Variants in CCDC91 observed in about 807,000 individuals in gnomAD.
The protein encoded by CCDC91 is coiled-coil domain-containing protein 91.
A neutral mutation model predicts 63.2 loss-of-function variants in CCDC91; 48 were observed. The observed-to-expected ratio is 0.76, with a 90% CI of 0.60 to 0.97. The LOEUF is 0.97. Ranked by LOEUF, CCDC91 falls within the 50% of genes least tolerant of loss-of-function variation. The pLI is 0.00. For missense variants in CCDC91, 500 were observed against 494.6 expected (o/e 1.01, Z -0.10); for synonymous variants, 167 against 165.8 (o/e 1.01, Z -0.06).
At chr12:28,374,976 C>T (rs1944853852) in intron 7 of CCDC91, among the ~76,000 whole-genome samples, 1 of 151,986 alleles carries the variant, frequency 6.6e-6, no homozygotes, top group Admixed American at 6.6e-5. Context: ...TCTTTGATTT[C>T]CTGAAGGAAT....
rs186811778 is a variant in CCDC91 at position 28,403,198 on chromosome 12, G to A, written c.762+11787G>A. Among the ~76,000 whole-genome samples the A allele has an allele frequency of 3.3e-5, 5 of 152,240 alleles. No individual in the cohort carries two copies. The East Asian group carries it at 9.7e-4, about 29-fold the overall frequency. On this transcript the variant is annotated intron_variant, in intron 8 of 12. Coordinates refer to ENST00000536442, the MANE Select transcript of CCDC91 (RefSeq NM_018318.5). The stretch of plus-strand genomic sequence containing the variant: ...GTATTCTCTCTGTTTCTATCTTCTG[G>A]AAGAGATTGTACAGTATTGTTATAA...
Position 28,257,090 on chromosome 12 carries a change from A to G in CCDC91, c.-14-112A>G, listed in dbSNP as rs915164946. 10 of 612,582 alleles carry G rather than the reference A, an allele frequency of 1.6e-5. No individual in the cohort carries two copies. In the African/African-American group the frequency reaches 1.9e-4, roughly 12 times the overall value. 37.9% of individuals were successfully genotyped at this position (612,582 alleles called of 1,614,324 possible). On this transcript the variant is annotated intron_variant, in intron 1 of 12. Transcript: ENST00000536442. ...TCTTTTTTGCATAAAAAATGCATAGACAGTTAGAAATTCTAATTTACAAAT... is the reference window on the plus strand; with the variant it reads ...TCTTTTTTGCATAAAAAATGCATAGGCAGTTAGAAATTCTAATTTACAAAT...
At chr12:28,254,718 G>GT (rs1288935984) in intron 1 of CCDC91, among the ~76,000 whole-genome samples, 1 of 143,770 alleles carries the variant, frequency 7.0e-6, no homozygotes, top group African/African-American at 2.6e-5. Flanking sequence ...GACATAATTT[G>GT]TTTTTTTAAA....
chr12:28,303,475 G>A (rs1938303874), intron 3 of CCDC91, among the ~76,000 whole-genome samples: 1 of 151,892 alleles, frequency 6.6e-6, no homozygotes, highest in East Asian at 1.9e-4. Context: ...AATGTTACAG[G>A]ATGAGAATTT....
intron 12 of CCDC91, among the ~76,000 whole-genome samples, chr12:28,501,278 T>C (rs1411581852): frequency 6.6e-6 from 1 of 151,914 alleles, no homozygotes. Flanking sequence ...CATCCATGTC[T>C]TGTGCCAGTT....
chr12:28,208,553 C>A (rs1392211681), intron 1 of CCDC91, among the ~76,000 whole-genome samples: 1 of 151,898 alleles, frequency 6.6e-6, no homozygotes, highest in African/African-American at 2.4e-5. Flanking sequence ...TCAGAAAAGA[C>A]CATTTTAAAG....
At chr12:28,537,875 G>T (rs1435685282) in intron 12 of CCDC91, among the ~76,000 whole-genome samples, 1 of 152,126 alleles carries the variant, frequency 6.6e-6, no homozygotes, top group Non-Finnish European at 1.5e-5. Flanking sequence ...TCATTTCTTG[G>T]CTATTTCCAG....
chr12:28,442,252 G>A (rs1346673382), intron 8 of CCDC91, among the ~76,000 whole-genome samples: 1 of 152,118 alleles, frequency 6.6e-6, no homozygotes, highest in East Asian at 1.9e-4. Context: ...GGAGTATTAA[G>A]AATGAAGTGT....
chr12:28,502,568 A>G (rs1376749235), intron 12 of CCDC91, among the ~76,000 whole-genome samples: 1 of 150,036 alleles, frequency 6.7e-6, no homozygotes. Context: ...TCTTCACAGA[A>G]TTGGAAAAAA....
At chr12:28,547,526 G>A (rs1468495531) in intron 12 of CCDC91, among the ~76,000 whole-genome samples, 1 of 152,078 alleles carries the variant, frequency 6.6e-6, no homozygotes, top group Admixed American at 6.6e-5. Context: ...AGACAGACAA[G>A]ATTTCTGCGT....
chr12:28,469,239 G>A (rs1013152453), intron 11 of CCDC91, among the ~76,000 whole-genome samples: 14 of 151,972 alleles, frequency 9.2e-5, no homozygotes, highest in African/African-American at 3.4e-4. Flanking sequence ...ATTCAATAAA[G>A]TTGCAGCATA....
intron 1 of CCDC91, among the ~76,000 whole-genome samples, chr12:28,231,455 C>A (rs1219586255): frequency 6.6e-6 from 1 of 152,120 alleles, no homozygotes; most frequent in Non-Finnish European, 1.5e-5. Flanking sequence ...CAGCTTGTTC[C>A]TGTTCATTTG....
intron 8 of CCDC91, among the ~76,000 whole-genome samples, chr12:28,410,019 T>C (rs1947218904): frequency 6.6e-6 from 1 of 152,186 alleles, no homozygotes; most frequent in Non-Finnish European, 1.5e-5. Context: ...TGGTGGAATT[T>C]TGTATAAATA....
chr12:28,213,702 G>T (rs1258670164), intron 1 of CCDC91, among the ~76,000 whole-genome samples: 1 of 152,134 alleles, frequency 6.6e-6, no homozygotes, highest in Non-Finnish European at 1.5e-5. Flanking sequence ...TACTATCATG[G>T]TATTAATATT....
intron 6 of CCDC91, among the ~76,000 whole-genome samples, chr12:28,344,291 T>A (rs1214427792): frequency 6.6e-6 from 1 of 152,134 alleles, no homozygotes; most frequent in Non-Finnish European, 1.5e-5. Flanking sequence ...GTGATCTTTT[T>A]GCCAACAGAT....
intron 3 of CCDC91, among the ~76,000 whole-genome samples, chr12:28,281,465 G>A (rs1162061356): frequency 6.6e-6 from 1 of 152,116 alleles, no homozygotes; most frequent in African/African-American, 2.4e-5. Flanking sequence ...ATTGAATCAG[G>A]CCATAATTAT....
chr12:28,540,643 C>A (rs1370553410), intron 12 of CCDC91, among the ~76,000 whole-genome samples: 2 of 152,126 alleles, frequency 1.3e-5, no homozygotes, highest in Non-Finnish European at 2.9e-5. Context: ...TGGCTTCATT[C>A]ATACAGTTAC....
intron 8 of CCDC91, among the ~76,000 whole-genome samples, chr12:28,414,381 G>A (rs1947512377): frequency 6.6e-6 from 1 of 152,086 alleles, no homozygotes; most frequent in African/African-American, 2.4e-5. Flanking sequence ...GAAGGTGAAA[G>A]TTGCTTTTAG....
intron 11 of CCDC91, among the ~76,000 whole-genome samples, chr12:28,465,490 T>C (rs1950507410): frequency 6.6e-6 from 1 of 152,188 alleles, no homozygotes; most frequent in Non-Finnish European, 1.5e-5. Flanking sequence ...AAACTTCATT[T>C]GTTTGGGAGA....
Sources: gnomAD v4.1 joint callset for allele counts (sites outside exome capture counted in the v4.1 genomes callset) on GRCh38, gnomAD v4.1.1 for gene constraint, MANE v1.5 for transcripts, NCBI Gene and HGNC (gene_info 2026-07-23, HGNC 2026-07-21) for gene names.